Variants in TOX observed in about 807,000 individuals in gnomAD.
The protein encoded by TOX is thymocyte selection associated high mobility group box.
In TOX, 11 loss-of-function variants were observed where a neutral mutation model predicts 53.7. That is an observed-to-expected ratio of 0.20 (90% CI 0.13 to 0.34). TOX has a LOEUF of 0.34. Among genes scored for constraint, TOX ranks in the 10% least tolerant of loss-of-function variants. The pLI, the probability that TOX is intolerant of heterozygous loss-of-function variation, is 1.00. For missense variants in TOX, 570 were observed against 664.6 expected, an observed-to-expected ratio of 0.86 and a Z score of 1.56; for synonymous variants, 225 against 245.3, an observed-to-expected ratio of 0.92 and a Z score of 0.77.
intron 3 of TOX, among the ~76,000 whole-genome samples, chr8:58,885,575 C>T (rs1009252200): frequency 3.3e-5 from 5 of 152,060 alleles, no homozygotes; most frequent in Admixed American, 1.3e-4. Flanking sequence ...GCCAATATGC[C>T]GTGCCAATAC....
intron 1 of TOX, among the ~76,000 whole-genome samples, chr8:59,039,497 G>A (rs1056311753): frequency 6.6e-6 from 1 of 152,168 alleles, no homozygotes; most frequent in Admixed American, 6.5e-5. Context: ...AAAATTCTAG[G>A]ATTTTTGTTT....
At chr8:58,987,574 G>C (rs1813356548) in intron 1 of TOX, among the ~76,000 whole-genome samples, 1 of 152,196 alleles carries the variant, frequency 6.6e-6, no homozygotes, top group Non-Finnish European at 1.5e-5. Flanking sequence ...ATTGGAGCCG[G>C]AAGAGTCTTT....
intron 5 of TOX, among the ~76,000 whole-genome samples, chr8:58,827,947 A>C (rs1810392000): frequency 6.6e-6 from 1 of 152,214 alleles, no homozygotes; most frequent in South Asian, 2.1e-4. Context: ...TCATTGATAC[A>C]GCTATTTTAA....
chr8:58,893,313 C>A (rs1010741172), intron 3 of TOX, among the ~76,000 whole-genome samples: 2 of 152,084 alleles, frequency 1.3e-5, no homozygotes, highest in Admixed American at 1.3e-4. Flanking sequence ...GATAATATTT[C>A]TTTCTTTTCT....
chr8:59,040,154 C>T (rs1259120260), intron 1 of TOX, among the ~76,000 whole-genome samples: 7 of 151,756 alleles, frequency 4.6e-5, no homozygotes, highest in Non-Finnish European at 1.0e-4. Flanking sequence ...ACGGTGAAAC[C>T]CCGTCTCTAC....
intron 1 of TOX, among the ~76,000 whole-genome samples, chr8:59,100,904 T>C (rs1419702758): frequency 3.3e-5 from 5 of 152,200 alleles, no homozygotes; most frequent in African/African-American, 9.7e-5. Flanking sequence ...GATTTAAATA[T>C]TTGCACGATT....
intron 1 of TOX, among the ~76,000 whole-genome samples, chr8:59,092,183 T>C (rs1200931619): frequency 1.4e-5 from 2 of 146,676 alleles, no homozygotes; most frequent in African/African-American, 2.6e-5. Flanking sequence ...ACCCAGGAGG[T>C]AGAGGTTGCA....
intron 3 of TOX, among the ~76,000 whole-genome samples, chr8:58,860,574 T>C (rs376216580): frequency 6.6e-6 from 1 of 152,238 alleles, no homozygotes; most frequent in Non-Finnish European, 1.5e-5. Flanking sequence ...TTCTCTTCGG[T>C]TATTATCCTT....
chr8:59,104,061 G>C (rs1181774203), intron 1 of TOX, among the ~76,000 whole-genome samples: 2 of 152,154 alleles, frequency 1.3e-5, no homozygotes, highest in African/African-American at 4.8e-5. Flanking sequence ...TCATTGAAAA[G>C]CCATCAAAAG....
intron 3 of TOX, among the ~76,000 whole-genome samples, chr8:58,916,035 A>T (rs1812012479): frequency 3.9e-5 from 1 of 25,736 alleles, no homozygotes; most frequent in Non-Finnish European, 8.1e-5. Context: ...AAAGCCTCCA[A>T]GAAATATGGG....
chr8:58,890,140 A>T (rs139021932), intron 3 of TOX, among the ~76,000 whole-genome samples: 10 of 152,322 alleles, frequency 6.6e-5, no homozygotes, highest in African/African-American at 1.9e-4. Context: ...AACCAAATAT[A>T]TTTGACAATA....
rs1812701611 is a variant in TOX at position 58,955,933 on chromosome 8, C to A, written c.168+4010G>T. Among the ~76,000 whole-genome samples the A allele has an allele frequency of 3.9e-5, 6 of 151,914 alleles. No homozygotes were observed. The South Asian group carries it at 1.2e-3, about 32-fold the overall frequency. On this transcript the variant is annotated intron_variant, in intron 2 of 8. Coordinates refer to ENST00000361421, the MANE Select transcript of TOX (RefSeq NM_014729.3). ...TATTTTTAGTAGAGATGGGGCTTTG[C>A]TATGTTGGCCAGGCTGGTCTCGAAC...
At chr8:59,056,326 G>A (rs1803887665) in intron 1 of TOX, among the ~76,000 whole-genome samples, 1 of 151,272 alleles carries the variant, frequency 6.6e-6, no homozygotes, top group Non-Finnish European at 1.5e-5. Flanking sequence ...CCGCTACTAG[G>A]GAGGCTAAGG....
At chr8:58,895,929 G>A (rs1057391069) in intron 3 of TOX, among the ~76,000 whole-genome samples, 1 of 152,200 alleles carries the variant, frequency 6.6e-6, no homozygotes, top group Non-Finnish European at 1.5e-5. Context: ...TTCCAGCGCA[G>A]AGCCCAGCCC....
intron 3 of TOX, among the ~76,000 whole-genome samples, chr8:58,891,588 TG>T (rs1811562473): frequency 6.6e-6 from 1 of 152,096 alleles, no homozygotes; most frequent in South Asian, 2.1e-4. Flanking sequence ...CGACTGCCTA[TG>T]TAGGTAAGGG....
chr8:59,029,255 A>G (rs983877994), intron 1 of TOX, among the ~76,000 whole-genome samples: 1 of 110,134 alleles, frequency 9.1e-6, no homozygotes, highest in Non-Finnish European at 1.7e-5. Context: ...TTCCACTGCC[A>G]CAAAATGTAT....
At chr8:58,979,907 T>G (rs1813169697) in intron 1 of TOX, among the ~76,000 whole-genome samples, 1 of 152,206 alleles carries the variant, frequency 6.6e-6, no homozygotes, top group Admixed American at 6.5e-5. Flanking sequence ...CTGCGTAAGA[T>G]AGAGCTCAGA....
chr8:58,926,399 A>G (rs529154730), intron 3 of TOX, among the ~76,000 whole-genome samples: 1 of 152,310 alleles, frequency 6.6e-6, no homozygotes, highest in Non-Finnish European at 1.5e-5. Context: ...TGCTTTTGTG[A>G]TCCCAGCCAC....
chr8:58,853,024 T>C (rs754982018), intron 3 of TOX, among the ~76,000 whole-genome samples: 1 of 152,190 alleles, frequency 6.6e-6, no homozygotes, highest in Non-Finnish European at 1.5e-5. Flanking sequence ...CCATTTTCCC[T>C]GTAGTCATTT....
Sources: gnomAD v4.1 joint callset for allele counts (sites outside exome capture counted in the v4.1 genomes callset) on GRCh38, gnomAD v4.1.1 for gene constraint, MANE v1.5 for transcripts, NCBI Gene and HGNC (gene_info 2026-07-23, HGNC 2026-07-21) for gene names.